The following TBCD variants were observed in gnomAD, a reference collection of about 807,000 sequenced individuals.
The protein encoded by TBCD is tubulin folding cofactor D, also known as tubulin-specific chaperone D.
TBCD carries 105 observed loss-of-function variants against 169.3 expected under a neutral mutation model. The observed-to-expected ratio is 0.62, with a 90% CI of 0.53 to 0.73. The LOEUF is 0.73. Ranked by LOEUF, TBCD falls within the 30% of genes least tolerant of loss-of-function variation. The pLI is 0.00. For synonymous variants in TBCD, 700 were observed against 643.9 expected (o/e 1.09, Z -1.32); for missense variants, 1,444 against 1,600.1 (o/e 0.90, Z 1.66).
intron 13 of TBCD, among the ~76,000 whole-genome samples, chr17:82,868,553 G>A (rs751239175): frequency 6.6e-6 from 1 of 152,166 alleles, no homozygotes; most frequent in East Asian, 1.9e-4. Flanking sequence ...TTTAGTAAGT[G>A]TATAAACGTA....
At chr17:82,824,532 A>C (rs2052677808) in intron 13 of TBCD, among the ~76,000 whole-genome samples, 1 of 152,116 alleles carries the variant, frequency 6.6e-6, no homozygotes, top group African/African-American at 2.4e-5. Context: ...TCCAGGCTGG[A>C]GTGCAGTGGC....
At chr17:82,876,504 C>G (rs1265885574) in intron 14 of TBCD, among the ~76,000 whole-genome samples, 1 of 152,004 alleles carries the variant, frequency 6.6e-6, no homozygotes, top group African/African-American at 2.4e-5. Context: ...TAGGAAGGAG[C>G]TTTTATATTT....
chr17:82,863,142 A>G (rs998883064), intron 13 of TBCD, among the ~76,000 whole-genome samples: 3 of 152,176 alleles, frequency 2.0e-5, no homozygotes, highest in Non-Finnish European at 4.4e-5. Flanking sequence ...AAGCTGTGGG[A>G]ACCAGGCCTC....
intron 14 of TBCD, chr17:82,877,063 G>C: frequency 1.3e-6 from 1 of 785,292 alleles, no homozygotes; most frequent in Non-Finnish European, 1.5e-6. Context: ...TTTAAATATA[G>C]TAATTTAAAC....
At position 82,921,331 on chromosome 17, in the gene TBCD, G is replaced by A. The variant is rs2061408020; in HGVS notation, c.2102-170G>A. On this transcript the variant is annotated intron_variant, in intron 24 of 38. Coordinates refer to ENST00000355528, the MANE Select transcript of TBCD (RefSeq NM_005993.5). ...AATTTAACAGCCATGAGAGGAAGGG[G>A]CCTTAGACTTAACACAACGTGGAGA... 4.7e-6 allele frequency: 3 copies of A among 639,970 alleles called. No homozygotes were observed. The Admixed American group carries it at 6.9e-5, about 15-fold the overall frequency. The allele number at this position is 639,970 out of a possible 1,614,324, so 39.6% of individuals were successfully genotyped here. A position where few individuals can be genotyped will look rare whatever the true frequency, so the allele number is the denominator to read the frequency against.
chr17:82,797,608 T>G, intron 7 of TBCD, 149 bp from the exon 8 acceptor site: 1 of 630,310 alleles, frequency 1.6e-6, no homozygotes, highest in Non-Finnish European at 2.7e-6. Context: ...TACTTTATCA[T>G]GTACAGAAAC....
intron 2 of TBCD, 71 bp downstream of exon 2, chr17:82,756,286 G>A: frequency 2.1e-6 from 3 of 1,427,540 alleles, no homozygotes. Context: ...GTGTGGTGCT[G>A]GCACATGCAT....
At chr17:82,899,361 T>TGCGTCCTCAGCGCGTCCTCAGC (rs144376188) in intron 17 of TBCD, among the ~76,000 whole-genome samples, 31 of 149,612 alleles carry the variant, frequency 2.1e-4, no homozygotes, top group African/African-American at 4.9e-4. Flanking sequence ...GTGTCCGCAG[T>TGCGTCCTCAGCGCGTCCTCAGC]GCGTCCTCAG....
chr17:82,829,049 G>A (rs763186139), intron 13 of TBCD, among the ~76,000 whole-genome samples: 19 of 134,736 alleles, frequency 1.4e-4, no homozygotes, highest in Non-Finnish European at 9.3e-5. Context: ...CCACAGGATC[G>A]AATGCGCACA....
chr17:82,762,241 G>A (rs1358714321), intron 2 of TBCD, among the ~76,000 whole-genome samples: 4 of 150,458 alleles, frequency 2.7e-5, no homozygotes, highest in Non-Finnish European at 5.9e-5. Context: ...GCTTGAACCC[G>A]GGAGGTGGAG....
intron 21 of TBCD, 58 bp from the exon 22 acceptor site, chr17:82,909,227 G>A (rs753543890): frequency 2.9e-5 from 38 of 1,304,506 alleles, no homozygotes; most frequent in Non-Finnish European, 3.3e-5. Context: ...AGTTGTTAAC[G>A]TATACGTATT....
intron 13 of TBCD, among the ~76,000 whole-genome samples, chr17:82,836,634 T>C (rs1004918350): frequency 8.7e-5 from 13 of 149,498 alleles, no homozygotes; most frequent in Non-Finnish European, 1.3e-4. Flanking sequence ...TTTAAGAAAA[T>C]GAGGACTTCA....
intron 14 of TBCD, 79 bp downstream of exon 14, chr17:82,870,459 T>G: frequency 6.6e-7 from 1 of 1,513,546 alleles, no homozygotes; most frequent in Non-Finnish European, 8.9e-7. Flanking sequence ...ATGAGAGGTG[T>G]GCACAGCAGA....
At chr17:82,848,349 A>T (rs1258707556) in intron 13 of TBCD, among the ~76,000 whole-genome samples, 1 of 107,936 alleles carries the variant, frequency 9.3e-6, no homozygotes, top group African/African-American at 3.7e-5. Context: ...TTGAGAGGGA[A>T]ACTTGAAACC....
intron 14 of TBCD, among the ~76,000 whole-genome samples, chr17:82,871,794 C>T (rs930150993): frequency 2.0e-5 from 3 of 152,330 alleles, no homozygotes; most frequent in African/African-American, 4.8e-5. Context: ...GCCTGGGGCC[C>T]GCTTGGCTTT....
chr17:82,893,510 A>T (rs756717641), intron 16 of TBCD, 37 bp from the exon 17 acceptor site: 5 of 1,491,832 alleles, frequency 3.4e-6, no homozygotes, highest in Non-Finnish European at 4.6e-6. Context: ...TGTTCATTCA[A>T]ATTCTTCTTT....
intron 13 of TBCD, among the ~76,000 whole-genome samples, chr17:82,843,076 G>A (rs765853587): frequency 6.6e-6 from 1 of 152,000 alleles, no homozygotes; most frequent in Admixed American, 6.6e-5. Context: ...CACCACACCC[G>A]GCCGCAAGTG....
At chr17:82,837,210 C>T (rs1031862832) in intron 13 of TBCD, among the ~76,000 whole-genome samples, 1 of 152,188 alleles carries the variant, frequency 6.6e-6, no homozygotes, top group South Asian at 2.1e-4. Context: ...CTGTGTCCTG[C>T]TTAAGTGAGG....
chr17:82,813,675 CTT>C (rs1277047565), intron 12 of TBCD, among the ~76,000 whole-genome samples: 1 of 152,218 alleles, frequency 6.6e-6, no homozygotes, highest in Non-Finnish European at 1.5e-5. Context: ...TTAACTAAAT[CTT>C]TGTGAAAGGT....
Sources: gnomAD v4.1 joint callset for allele counts (sites outside exome capture counted in the v4.1 genomes callset) on GRCh38, gnomAD v4.1.1 for gene constraint, MANE v1.5 for transcripts, NCBI Gene and HGNC (gene_info 2026-07-23, HGNC 2026-07-21) for gene names.